The following TRPM6 variants were observed in gnomAD, a reference collection of about 807,000 sequenced individuals.
TRPM6 encodes the protein channel kinase 2.
Under a neutral mutation model 247.6 loss-of-function variants are expected in TRPM6, and 111 were observed. The ratio of observed to expected loss-of-function variants is 0.45; its 90% confidence interval spans 0.38 to 0.52. The LOEUF is 0.52. Among genes scored for constraint, TRPM6 ranks in the 20% least tolerant of loss-of-function variants. The probability of loss-of-function intolerance (pLI) is 0.00; values close to 1 mark genes in which losing one functional copy is unlikely to be tolerated. For missense variants in TRPM6, 2,126 were observed against 2,421.5 expected, an observed-to-expected ratio of 0.88 and a Z score of 2.56; for synonymous variants, 892 against 853.8, an observed-to-expected ratio of 1.04 and a Z score of -0.78.
At chr9:74,860,344 T>A (rs924528254) in intron 1 of TRPM6, among the ~76,000 whole-genome samples, 2 of 152,006 alleles carry the variant, frequency 1.3e-5, no homozygotes, top group African/African-American at 4.8e-5. Flanking sequence ...TTATTTATTT[T>A]TATTTTTTTA....
chr9:74,840,040 A>C lies in TRPM6; in HGVS notation c.528T>G (p.Thr176=), dbSNP rs1314224290. 6.2e-7 allele frequency: 1 copy of C among 1,613,910 alleles called. No homozygotes were observed. Among genetic ancestry groups the C allele is most frequent in the East Asian group, 2.2e-5 (1 of 44,868 alleles). The part of the protein sequence containing the change: ...AAETTGAWII[T]EGINTGVSKH... ...GAGCTTTACCTGTATTGATGCCTTC[A>C]GTTATTATCCACGCTCCTGTTGTCT... Residue 176 remains threonine (T), a synonymous_variant, in exon 5 of 39, where the codon ACT becomes ACG. Coordinates refer to ENST00000360774, the MANE Select transcript of TRPM6 (RefSeq NM_017662.5).
At chr9:74,771,944 G>A (rs1295877341) in intron 24 of TRPM6, 109 bp from the exon 25 acceptor site, 8 of 957,282 alleles carry the variant, frequency 8.4e-6, no homozygotes, top group Admixed American at 8.2e-5. Context: ...GTTGTGATAA[G>A]TTTGTCACCT....
intron 1 of TRPM6, among the ~76,000 whole-genome samples, chr9:74,861,139 T>A (rs1037735446): frequency 2.0e-5 from 3 of 152,226 alleles, no homozygotes; most frequent in Non-Finnish European, 4.4e-5. Flanking sequence ...ATTTATTAAA[T>A]ACCTAATTTT....
At chr9:74,802,907 C>G (rs1176758963) in intron 15 of TRPM6, among the ~76,000 whole-genome samples, 11 of 152,158 alleles carry the variant, frequency 7.2e-5, no homozygotes, top group Admixed American at 7.2e-4. Flanking sequence ...TCATACTGCA[C>G]TACGGTTATG....
chr9:74,792,502 C>T (rs1827940373), intron 19 of TRPM6, 122 bp downstream of exon 19: 1 of 1,092,070 alleles, frequency 9.2e-7, no homozygotes, highest in Admixed American at 1.8e-5. Flanking sequence ...GTCATGCCCT[C>T]ACTTTTTTTT....
chr9:74,771,012 C>T (rs1014238242), intron 25 of TRPM6, among the ~76,000 whole-genome samples: 1 of 152,180 alleles, frequency 6.6e-6, no homozygotes, highest in Non-Finnish European at 1.5e-5. Context: ...GCCGGTCAGA[C>T]GCCCTGAGAA....
chr9:74,830,954 C>T (rs542456598), intron 6 of TRPM6, among the ~76,000 whole-genome samples: 1 of 151,404 alleles, frequency 6.6e-6, no homozygotes, highest in African/African-American at 2.4e-5. Context: ...ACATTTTAAA[C>T]GGTTATACAG....
chr9:74,740,035 A>T, intron 33 of TRPM6, 26 bp from the exon 34 acceptor site: 1 of 1,611,058 alleles, frequency 6.2e-7, no homozygotes, highest in Middle Eastern at 1.8e-4. Flanking sequence ...AAGGCTAGGA[A>T]TTCAATAAGA....
chr9:74,787,746 C>G (rs965622261), intron 20 of TRPM6, among the ~76,000 whole-genome samples: 1 of 152,162 alleles, frequency 6.6e-6, no homozygotes, highest in East Asian at 1.9e-4. Flanking sequence ...GACGGAGTCT[C>G]GCTCTGTCAC....
At chr9:74,807,244 C>A (rs1235629502) in intron 14 of TRPM6, among the ~76,000 whole-genome samples, 4 of 152,154 alleles carry the variant, frequency 2.6e-5, no homozygotes, top group Non-Finnish European at 5.9e-5. Flanking sequence ...CCTTTCCAGT[C>A]TCCTCCCTTA....
At chr9:74,866,759 G>T (rs981338527) in intron 1 of TRPM6, among the ~76,000 whole-genome samples, 15 of 152,160 alleles carry the variant, frequency 9.9e-5, no homozygotes, top group African/African-American at 3.4e-4. Context: ...GGGATTACAG[G>T]CGTGAGCCAC....
At chr9:74,751,007 T>C (rs980529566) in intron 29 of TRPM6, among the ~76,000 whole-genome samples, 1 of 152,062 alleles carries the variant, frequency 6.6e-6, no homozygotes, top group Non-Finnish European at 1.5e-5. Flanking sequence ...AGACTGAACA[T>C]AGAAAATCAG....
chr9:74,803,903 A>G lies in TRPM6; in HGVS notation c.1639-17T>C. Reference sequence around the variant, plus strand: ...TCTCTGGTGCTGGGAAAGGTTTTGAACAAAGCTGGTCACTCTCTGGCACGT... The same window carrying G: ...TCTCTGGTGCTGGGAAAGGTTTTGAGCAAAGCTGGTCACTCTCTGGCACGT... On this transcript the variant is annotated splice_polypyrimidine_tract_variant and intron_variant, in intron 14 of 38. Transcript: ENST00000360774. 1 of 1,534,230 alleles carries G rather than the reference A, an allele frequency of 6.5e-7. No individual in the cohort carries two copies. Among genetic ancestry groups the G allele is most frequent in the South Asian group, 1.1e-5 (1 of 89,452 alleles).
chr9:74,812,745 C>T (rs187576959), intron 11 of TRPM6, among the ~76,000 whole-genome samples: 270 of 152,108 alleles, frequency 1.8e-3, no homozygotes, highest in Non-Finnish European at 2.8e-3. Flanking sequence ...CAAAAATTAG[C>T]CAGGCATAGT....
chr9:74,778,773 T>C (rs11144082), intron 23 of TRPM6, among the ~76,000 whole-genome samples: 98,755 of 152,020 alleles, frequency 0.65, 33,744 homozygotes, highest in African/African-American at 0.87. Flanking sequence ...GACTCCAAGA[T>C]CCAGAAGGGC....
intron 11 of TRPM6, among the ~76,000 whole-genome samples, chr9:74,813,142 C>A (rs371493555): frequency 4.5e-4 from 69 of 152,308 alleles, no homozygotes; most frequent in African/African-American, 1.6e-3. Flanking sequence ...CTTCTAGGCA[C>A]AAATGGCAAG....
Position 74,821,675 on chromosome 9 carries a change from T to C in TRPM6, c.1004A>G (p.Asp335Gly), listed in dbSNP as rs764382539. ...AGAAGAGCCAACAACTCACCCTTCA[T>C]CTGCCAGGTGTTTGTGTGTGAAGGC... is the stretch of plus-strand genomic sequence containing the variant. ...LLAFTHKHLA[D>G]EGMLRPQVKE... Residue 335 changes from aspartate (D) to glycine (G), a missense_variant, in exon 8 of 39, where the codon GAT becomes GGT. By Grantham distance (94) the Asp-to-Gly change is moderately conservative. Transcript: ENST00000360774. 3 of 1,614,202 alleles carry C rather than the reference T, an allele frequency of 1.9e-6. No homozygotes were observed. The highest frequency in any genetic ancestry group is 1.7e-5 in the Admixed American group (1 of 60,022).
chr9:74,733,685 T>C (rs1051687911), intron 36 of TRPM6, among the ~76,000 whole-genome samples: 9 of 152,320 alleles, frequency 5.9e-5, no homozygotes, highest in Admixed American at 2.6e-4. Context: ...TTTGTGTTCC[T>C]ACTAGCTGGA....
At chr9:74,745,659 G>A (rs528080736) in intron 31 of TRPM6, among the ~76,000 whole-genome samples, 1 of 152,256 alleles carries the variant, frequency 6.6e-6, no homozygotes, top group South Asian at 2.1e-4. Flanking sequence ...CAGCAAGTGT[G>A]AATGCCCTGG....
Sources: gnomAD v4.1 joint callset for allele counts (sites outside exome capture counted in the v4.1 genomes callset) on GRCh38, gnomAD v4.1.1 for gene constraint, MANE v1.5 for transcripts, NCBI Gene and HGNC (gene_info 2026-07-23, HGNC 2026-07-21) for gene names.